SPTAN1: variants seen among roughly 807,000 people sequenced by gnomAD.
SPTAN1 encodes the protein spectrin alpha, non-erythrocytic 1.
In SPTAN1, 61 loss-of-function variants were observed where a neutral mutation model predicts 331.3. The observed-to-expected ratio is 0.18, with a 90% CI of 0.15 to 0.23. The LOEUF (loss-of-function observed/expected upper bound fraction) is 0.23. Among genes scored for constraint, SPTAN1 ranks in the 10% least tolerant of loss-of-function variants. SPTAN1 has a pLI of 1.00. For synonymous variants in SPTAN1, 1,153 were observed against 1,173.9 expected (o/e 0.98, Z 0.36); for missense variants, 2,043 against 3,147.9 (o/e 0.65, Z 8.40).
intron 44 of SPTAN1, among the ~76,000 whole-genome samples, chr9:128,620,325 T>C (rs1459364398): frequency 6.6e-6 from 1 of 152,172 alleles, no homozygotes; most frequent in East Asian, 1.9e-4. Flanking sequence ...GTGATTCAGG[T>C]AGAATTTAGA....
chr9:128,569,760 T>C (rs572040089), intron 3 of SPTAN1, among the ~76,000 whole-genome samples: 1 of 152,210 alleles, frequency 6.6e-6, no homozygotes, highest in African/African-American at 2.4e-5. Flanking sequence ...AGAACTGTTT[T>C]GTCTCCTACT....
rs1235715016 is a variant in SPTAN1, at chr9:128,632,862, T to C, written c.7215T>C (p.Thr2405=). Residue 2405 remains threonine, a synonymous_variant, in exon 56 of 57, where the codon ACT becomes ACC. Transcript: ENST00000372739. ...EYMAFMISRE[T]ENVKSSEEIE... Reference sequence around the variant, plus strand: ...TGGCTTTCATGATCAGCCGCGAAACTGAGAACGTCAAGTCCAGCGAGGAGA... The same window carrying C: ...TGGCTTTCATGATCAGCCGCGAAACCGAGAACGTCAAGTCCAGCGAGGAGA... The C allele has an allele frequency of 1.9e-6, 3 of 1,613,928 alleles. No individual in the cohort carries two copies. Among genetic ancestry groups the C allele is most frequent in the East Asian group, 2.2e-5 (1 of 44,890 alleles).
chr9:128,602,272 A>G (rs915921249), intron 27 of SPTAN1, among the ~76,000 whole-genome samples: 1 of 146,018 alleles, frequency 6.8e-6, no homozygotes, highest in African/African-American at 2.6e-5. Context: ...GCTGGAGTGC[A>G]GTAACGTGAT....
chr9:128,613,261 A>T (rs1856769672), intron 39 of SPTAN1, 120 bp from the exon 40 acceptor site: 1 of 786,954 alleles, frequency 1.3e-6, no homozygotes, highest in Non-Finnish European at 2.2e-6. Flanking sequence ...ACACATTGTG[A>T]TGGAGAAGTA....
chr9:128,574,594 A>T, intron 3 of SPTAN1, 81 bp from the exon 4 acceptor site: 2 of 1,546,252 alleles, frequency 1.3e-6, no homozygotes, highest in South Asian at 1.1e-5. Context: ...TAAGGTCTCT[A>T]ACTTGTCTAA....
intron 23 of SPTAN1, chr9:128,593,891 T>G: frequency 2.3e-6 from 1 of 431,534 alleles, no homozygotes; most frequent in Non-Finnish European, 4.4e-6. Flanking sequence ...TTCAGTCCCT[T>G]GTGGTTGTGT....
At chr9:128,607,734 A>C in intron 32 of SPTAN1, 31 bp downstream of exon 32, 1 of 1,611,448 alleles carries the variant, frequency 6.2e-7, no homozygotes, top group Non-Finnish European at 8.5e-7. Flanking sequence ...AGTAGCAAAG[A>C]CGTGGCTGCT....
chr9:128,611,686 T>A (rs754486480), intron 37 of SPTAN1, 28 bp from the exon 38 acceptor site: 33 of 1,612,884 alleles, frequency 2.0e-5, no homozygotes, highest in Admixed American at 3.3e-5. Context: ...AGGAACTGGT[T>A]TGGAAAAAAT....
chr9:128,628,043 T>C, intron 51 of SPTAN1, 101 bp downstream of exon 51: 2 of 1,449,024 alleles, frequency 1.4e-6, no homozygotes, highest in Non-Finnish European at 1.9e-6. Context: ...TGGGCCTTCC[T>C]GCCCAGGGCG....
chr9:128,608,819 C>A, intron 34 of SPTAN1, 55 bp from the exon 35 acceptor site: 1 of 1,560,102 alleles, frequency 6.4e-7, no homozygotes, highest in Non-Finnish European at 8.8e-7. Context: ...ACTGGCAGTC[C>A]AGGCAGGGCC....
At chr9:128,575,683 T>C (rs1228187770) in intron 5 of SPTAN1, among the ~76,000 whole-genome samples, 2 of 152,208 alleles carry the variant, frequency 1.3e-5, no homozygotes, top group South Asian at 2.1e-4. Flanking sequence ...TAAGTTAGTA[T>C]TGGCAGATGT....
At chr9:128,624,163 A>T (rs1241168939) in intron 45 of SPTAN1, among the ~76,000 whole-genome samples, 165 bp from the exon 46 acceptor site, 1 of 150,886 alleles carries the variant, frequency 6.6e-6, no homozygotes, top group Non-Finnish European at 1.5e-5. Flanking sequence ...GAAGCCTTTG[A>T]CCGCATTGCT....
At chr9:128,633,068 C>T in intron 56 of SPTAN1, 113 bp downstream of exon 56, 21 of 1,591,922 alleles carry the variant, frequency 1.3e-5, no homozygotes, top group Non-Finnish European at 1.5e-5. Flanking sequence ...TCCCCATTTA[C>T]AAATCAAACT....
At chr9:128,612,275 A>G (rs1305271336) in intron 39 of SPTAN1, 29 bp downstream of exon 39, 1 of 1,614,042 alleles carries the variant, frequency 6.2e-7, no homozygotes, top group Non-Finnish European at 8.5e-7. Context: ...TCTTCCTACC[A>G]GTGGGGGATT....
intron 12 of SPTAN1, 109 bp from the exon 13 acceptor site, chr9:128,582,370 A>C (rs1006359050): frequency 2.1e-6 from 2 of 946,150 alleles, no homozygotes; most frequent in Non-Finnish European, 1.7e-6. Context: ...ACCTTGACCT[A>C]TGTTAAAGTT....
intron 3 of SPTAN1, among the ~76,000 whole-genome samples, chr9:128,574,344 TA>T: frequency 6.7e-6 from 1 of 148,244 alleles, no homozygotes; most frequent in Admixed American, 6.8e-5. Context: ...AAATATATCA[TA>T]AATATAATTA....
chr9:128,567,706 G>C (rs1024368685), intron 2 of SPTAN1, among the ~76,000 whole-genome samples: 1 of 152,036 alleles, frequency 6.6e-6, no homozygotes, highest in Non-Finnish European at 1.5e-5. Flanking sequence ...TCAGAGACTT[G>C]GTAAATCTTA....
chr9:128,583,386 A>T, intron 15 of SPTAN1, 105 bp downstream of exon 15: 1 of 1,188,430 alleles, frequency 8.4e-7, no homozygotes, highest in South Asian at 1.3e-5. Context: ...GGTGAGGTGG[A>T]TGACTTTGGC....
intron 51 of SPTAN1, chr9:128,630,071 G>A (rs1564325049): frequency 1.5e-6 from 1 of 669,684 alleles, no homozygotes; most frequent in East Asian, 2.9e-5. Flanking sequence ...GGCCTTGGGA[G>A]CAAGACGAGT....
Sources: gnomAD v4.1 joint callset for allele counts (sites outside exome capture counted in the v4.1 genomes callset) on GRCh38, gnomAD v4.1.1 for gene constraint, MANE v1.5 for transcripts, NCBI Gene and HGNC (gene_info 2026-07-23, HGNC 2026-07-21) for gene names.